NT5E: variants seen among roughly 807,000 people sequenced by gnomAD.
NT5E encodes the protein 5'-nucleotidase.
A neutral mutation model predicts 55.1 loss-of-function variants in NT5E; 53 were observed. The observed-to-expected ratio is 0.96, with a 90% CI of 0.77 to 1.21. The LOEUF (loss-of-function observed/expected upper bound fraction) is 1.21, where lower values mean the gene tolerates loss of function less well. Among genes scored for constraint, NT5E ranks in the 50% most tolerant of loss-of-function variants. The pLI, the probability that NT5E is intolerant of heterozygous loss-of-function variation, is 0.00. For missense variants in NT5E, 683 were observed against 724.3 expected (o/e 0.94, Z 0.65); for synonymous variants, 270 against 278.4 (o/e 0.97, Z 0.30).
chr6:85,490,139 C>T (rs1393268541), intron 6 of NT5E, among the ~76,000 whole-genome samples: 1 of 152,200 alleles, frequency 6.6e-6, no homozygotes, highest in Admixed American at 6.5e-5. Flanking sequence ...GCCCCAAACG[C>T]ATCCCATTGT....
Position 85,493,939 on chromosome 6 carries a change from T to C in NT5E, c.1660T>C (p.Cys554Arg), listed in dbSNP as rs778545527. ...GATCAAGTTTTCCACAGGAAGTCAC[T>C]GCCATGGAAGCTTTTCTTTAATATT... ...GRIKFSTGSHCHGSFSLIFLS... is the reference protein window; with the variant it reads ...GRIKFSTGSHRHGSFSLIFLS... The change falls in exon 9 of 9, where the codon TGC (cysteine) becomes CGC (arginine). Residue 554 changes from cysteine (C) to arginine (R), a missense_variant. By Grantham distance (180) the Cys-to-Arg change is radical. Transcript: ENST00000257770. 1 of 1,614,136 alleles carries C rather than the reference T, an allele frequency of 6.2e-7. No individual in the cohort carries two copies. Among genetic ancestry groups the C allele is most frequent in the Non-Finnish European group, 8.5e-7 (1 of 1,179,988 alleles).
At chr6:85,472,607 C>T (rs775052706) in intron 3 of NT5E, among the ~76,000 whole-genome samples, 77 of 152,128 alleles carry the variant, frequency 5.1e-4, no homozygotes, top group Non-Finnish European at 9.6e-4. Flanking sequence ...CAAAGTTCCA[C>T]GTTACTGTGA....
At position 85,487,479 on chromosome 6, in the gene NT5E, G is replaced by T. The variant is rs143679828; in HGVS notation, c.1094G>T (p.Cys365Phe). Residue 365 changes from cysteine (C) to phenylalanine (F), a missense_variant, in exon 5 of 9, where the codon TGT becomes TTT. By Grantham distance (205) the Cys-to-Phe change is radical (BLOSUM62 -2). Transcript: ENST00000257770. ...GAATGCAACATGGGCAACCTGATTT[G>T]TGATGCAATGGTAAGTCATCAGCAG... is the stretch of plus-strand genomic sequence containing the variant. ...FRECNMGNLI[C>F]DAMINNNLRH... 1.1e-5 allele frequency: 18 copies of T among 1,614,090 alleles called. No homozygotes were observed. The highest frequency in any genetic ancestry group is 1.4e-5 in the Non-Finnish European group (17 of 1,180,038).
At chr6:85,481,011 C>T (rs185354969) in intron 3 of NT5E, among the ~76,000 whole-genome samples, 47 of 152,236 alleles carry the variant, frequency 3.1e-4, no homozygotes, top group Admixed American at 2.9e-3. Context: ...TTGAGGGGAC[C>T]TGGGGTAAAG....
In NT5E at chr6:85,490,658, G is replaced by A. The variant is rs1331286078; in HGVS notation, c.1360+1G>A. The stretch of plus-strand genomic sequence containing the variant: ...ACTGGAGAGTTCCTGCAGGTGGGCG[G>A]TAAGTCACCCATCCTGTAGGGCTGG... On this transcript the variant is annotated splice_donor_variant, in intron 7 of 8. Transcript: ENST00000257770. LOFTEE classifies it high-confidence loss of function. 1 of 1,613,856 alleles carries A rather than the reference G, an allele frequency of 6.2e-7. No homozygotes were observed. Among genetic ancestry groups the A allele is most frequent in the Admixed American group, 1.7e-5 (1 of 60,022 alleles).
intron 3 of NT5E, 29 bp from the exon 4 acceptor site, chr6:85,485,206 C>A (rs780366896): frequency 6.2e-7 from 1 of 1,611,770 alleles, no homozygotes; most frequent in Admixed American, 1.7e-5. Flanking sequence ...CAAGGGCTGA[C>A]TTGATCAGCT....
intron 3 of NT5E, among the ~76,000 whole-genome samples, chr6:85,481,817 G>A (rs1662072480): frequency 6.6e-6 from 1 of 152,210 alleles, no homozygotes; most frequent in African/African-American, 2.4e-5. Flanking sequence ...TCTAAAACCA[G>A]GAAGTGCATG....
chr6:85,493,096 C>A (rs1356652021), intron 8 of NT5E, among the ~76,000 whole-genome samples: 1 of 152,178 alleles, frequency 6.6e-6, no homozygotes, highest in East Asian at 1.9e-4. Flanking sequence ...GAGAGGAGCT[C>A]ATGCAGAAGG....
chr6:85,454,494 ATTC>A lies in NT5E; in HGVS notation c.339+4019_339+4021del, dbSNP rs71857940. On this transcript the variant is annotated intron_variant, in intron 1 of 8. Coordinates refer to ENST00000257770, the MANE Select transcript of NT5E (RefSeq NM_002526.4). The stretch of plus-strand genomic sequence containing the variant: ...TCCTCTTCTCTAATTGCTTATTCAT[ATTC>A]TTTGGTATTTTTTAAATTGGGTTAG... 9.5e-3 allele frequency among the ~76,000 whole-genome samples: 1,443 copies of A among 152,166 alleles called. 16 individuals carry two copies. Among genetic ancestry groups the A allele is most frequent in the African/African-American group, 0.031 (1,298 of 41,494 alleles).
intron 3 of NT5E, among the ~76,000 whole-genome samples, chr6:85,481,397 T>C (rs1769548164): frequency 6.6e-6 from 1 of 152,164 alleles, no homozygotes; most frequent in Non-Finnish European, 1.5e-5. Context: ...TGGACTAACA[T>C]TAGGGCCAAG....
intron 3 of NT5E, among the ~76,000 whole-genome samples, chr6:85,480,459 C>A (rs935076781): frequency 6.6e-6 from 1 of 152,192 alleles, no homozygotes; most frequent in African/African-American, 2.4e-5. Flanking sequence ...GTGGTTGCTC[C>A]TCTGGTTGCT....
intron 1 of NT5E, among the ~76,000 whole-genome samples, chr6:85,459,106 T>C (rs1769044204): frequency 6.6e-6 from 1 of 152,158 alleles, no homozygotes; most frequent in African/African-American, 2.4e-5. Flanking sequence ...CCCCGTCATA[T>C]AGTAAATCAG....
chr6:85,460,792 T>A (rs1242011924), intron 1 of NT5E, among the ~76,000 whole-genome samples: 1 of 152,100 alleles, frequency 6.6e-6, no homozygotes, highest in East Asian at 1.9e-4. Context: ...GCAAGAGGAA[T>A]GAAAACACGT....
At position 85,471,321 on chromosome 6, in the gene NT5E, T is replaced by C. The variant is rs771204164; in HGVS notation, c.647T>C (p.Ile216Thr). Reference protein sequence around the residue: ...KLKTLNVNKIIALGHSGFEMD... With the variant: ...KLKTLNVNKITALGHSGFEMD... ...AAAACTCTAAATGTGAACAAAATTA[T>C]TGCACTGGGACATTCGGGTTTTGAA... is the stretch of plus-strand genomic sequence containing the variant. Residue 216 changes from isoleucine to threonine, a missense_variant, in exon 3 of 9, where the codon ATT becomes ACT. Physicochemically the swap from Ile to Thr is moderately conservative, Grantham distance 89. Transcript: ENST00000257770. 6.2e-7 allele frequency: 1 copy of C among 1,613,070 alleles called. No homozygotes were observed. The highest frequency in any genetic ancestry group is 8.5e-7 in the Non-Finnish European group (1 of 1,179,250).
chr6:85,475,209 C>T (rs1769403407), intron 3 of NT5E, among the ~76,000 whole-genome samples: 1 of 152,152 alleles, frequency 6.6e-6, no homozygotes, highest in Non-Finnish European at 1.5e-5. Context: ...TGGAAGAAAA[C>T]CTTTCCAAAG....
At chr6:85,478,919 G>A (rs1045762926) in intron 3 of NT5E, among the ~76,000 whole-genome samples, 13 of 151,860 alleles carry the variant, frequency 8.6e-5, no homozygotes, top group African/African-American at 3.1e-4. Flanking sequence ...TCTAATACAG[G>A]TATTTCACTG....
intron 8 of NT5E, among the ~76,000 whole-genome samples, chr6:85,492,834 A>T (rs948482719): frequency 1.8e-4 from 27 of 152,316 alleles, no homozygotes; most frequent in Admixed American, 1.6e-3. Flanking sequence ...GCTTCTTGGC[A>T]TCTCTGGGTA....
At chr6:85,490,776 C>A in intron 7 of NT5E, 119 bp downstream of exon 7, 1 of 1,086,194 alleles carries the variant, frequency 9.2e-7, no homozygotes, top group Non-Finnish European at 1.4e-6. Flanking sequence ...TTTTTCCCGA[C>A]CCAACACCAA....
At chr6:85,463,561 CA>C (rs1769134402) in intron 1 of NT5E, among the ~76,000 whole-genome samples, 1 of 152,056 alleles carries the variant, frequency 6.6e-6, no homozygotes, top group Admixed American at 6.5e-5. Context: ...CAGAGAGGAC[CA>C]AAAAAGGTGG....
Sources: allele counts gnomAD v4.1 joint callset (sites outside exome capture counted in the v4.1 genomes callset), GRCh38; gene constraint gnomAD v4.1.1; transcripts MANE v1.5; gene names NCBI Gene and HGNC (gene_info 2026-07-23, HGNC 2026-07-21).